Variants in FABP6 observed in about 807,000 individuals in gnomAD.
FABP6 encodes fatty acid binding protein 6.
FABP6 carries 13 observed loss-of-function variants against 14.9 expected under a neutral mutation model. The ratio of observed to expected loss-of-function variants is 0.87; its 90% confidence interval spans 0.57 to 1.39. FABP6 has a LOEUF of 1.39. Among genes scored for constraint, FABP6 ranks in the 40% most tolerant of loss-of-function variants. The pLI is 0.00. For synonymous variants in FABP6, 75 were observed against 63.6 expected (o/e 1.18, Z -0.85); for missense variants, 161 against 167.2 (o/e 0.96, Z 0.20).
At chr5:160,192,616 T>C (rs1323054248) in intron 1 of FABP6, among the ~76,000 whole-genome samples, 2 of 152,238 alleles carry the variant, frequency 1.3e-5, no homozygotes, top group Non-Finnish European at 2.9e-5. Context: ...GGCCCTACTA[T>C]GCGCCTGGCA....
chr5:160,214,006 T>A (rs748131183), intron 3 of FABP6, among the ~76,000 whole-genome samples: 3 of 152,226 alleles, frequency 2.0e-5, no homozygotes, highest in Non-Finnish European at 4.4e-5. Flanking sequence ...TATCAGCAGT[T>A]ATACATGCTG....
At chr5:160,222,300 G>A (rs572809021) in intron 3 of FABP6, among the ~76,000 whole-genome samples, 47 of 151,642 alleles carry the variant, frequency 3.1e-4, no homozygotes, top group African/African-American at 9.9e-4. Context: ...ATATTGCCCC[G>A]GCTGGTCTCT....
chr5:160,226,095 A>T (rs182516537), upstream of FABP6, among the ~76,000 whole-genome samples: 75 of 151,972 alleles, frequency 4.9e-4, 2 homozygotes, highest in East Asian at 0.014. Context: ...AATGGCTTGA[A>T]CCTGGGAGGC....
intron 1 of FABP6, chr5:160,199,037 G>A (rs1349726408): frequency 1.7e-5 from 26 of 1,548,374 alleles, no homozygotes; most frequent in Non-Finnish European, 2.0e-5. Flanking sequence ...CTGGCTTTTT[G>A]TGTCATTGCA....
chr5:160,226,782 A>G (rs192476621), upstream of FABP6, among the ~76,000 whole-genome samples: 126 of 152,334 alleles, frequency 8.3e-4, 3 homozygotes, highest in Admixed American at 7.8e-3. Flanking sequence ...TGTTATTATT[A>G]TCAGTCATTG....
rs540794775 is a variant in FABP6 at position 160,220,856 on chromosome 5, G to A, written c.135+7037G>A. ...TAATCCCAGCAGTTTGGGAGGCTGA[G>A]GTGGGTGGATCATTTGAGATCAGGA... On this transcript the variant is annotated intron_variant, in intron 3 of 6. Coordinates refer to the FABP6 transcript ENST00000393980. 4.3e-3 allele frequency among the ~76,000 whole-genome samples: 658 copies of A among 152,108 alleles called. 3 individuals are homozygous for A. The highest frequency in any genetic ancestry group is 8.1e-3 in the South Asian group (39 of 4,824).
chr5:160,202,641 A>G (rs1477341352), intron 2 of FABP6, among the ~76,000 whole-genome samples: 1 of 151,618 alleles, frequency 6.6e-6, no homozygotes, highest in African/African-American at 2.4e-5. Flanking sequence ...CTAAAAATAC[A>G]AAAAAAAGAA....
chr5:160,232,811 C>T (rs576806556), intron 2 of FABP6, among the ~76,000 whole-genome samples: 1 of 151,672 alleles, frequency 6.6e-6, no homozygotes, highest in South Asian at 2.1e-4. Flanking sequence ...GCAGGGGAAT[C>T]GCTTGAATCC....
chr5:160,191,843 GGC>G lies in FABP6; in HGVS notation c.-59+4392_-59+4393del, dbSNP rs1759401184. Among the ~76,000 whole-genome samples, 4 of 151,740 alleles carry G rather than the reference GGC, an allele frequency of 2.6e-5. No homozygotes were observed. The East Asian group carries it at 5.8e-4, about 22-fold the overall frequency. On this transcript the variant is annotated intron_variant, in intron 1 of 6. Coordinates refer to the FABP6 transcript ENST00000393980. ...AAAAAATTAGCCAGGCATGGTGGCA[GGC>G]GCCTTGTAGTCCCAGCTACTGGGGA...
At position 160,223,332 on chromosome 5, in the gene FABP6, C is replaced by CCCTTCCTT. The variant is rs367909259; in HGVS notation, c.136-6192_136-6185dup. On this transcript the variant is annotated intron_variant, in intron 3 of 6. Transcript: ENST00000393980. Reference sequence around the variant, plus strand: ...TCATATAAGAGTGAATTTTTGCCCGCCCTTCCTTCCTTCCTTCCTTCCTTC... The same window carrying CCCTTCCTT: ...TCATATAAGAGTGAATTTTTGCCCGCCCTTCCTTCCTTCCTTCCTTCCTTCCTTCCTTC... Among the ~76,000 whole-genome samples the CCCTTCCTT allele has an allele frequency of 3.4e-4, 32 of 93,406 alleles. 1 individual carries two copies. The highest frequency in any genetic ancestry group is 1.2e-3 in the African/African-American group (23 of 19,752). The allele number at this position is 93,406 out of a possible 152,430, so 61.3% of individuals were successfully genotyped here.
At chr5:160,217,338 T>C (rs1240524989) in intron 3 of FABP6, among the ~76,000 whole-genome samples, 1 of 152,104 alleles carries the variant, frequency 6.6e-6, no homozygotes, top group Non-Finnish European at 1.5e-5. Flanking sequence ...CAGCAAAAGA[T>C]GATATTTAAA....
chr5:160,207,717 T>C (rs1759797986), intron 2 of FABP6, among the ~76,000 whole-genome samples: 4 of 137,222 alleles, frequency 2.9e-5, no homozygotes, highest in African/African-American at 8.2e-5. Flanking sequence ...AGGTCATCTT[T>C]ACCTCCTTTT....
upstream of FABP6, among the ~76,000 whole-genome samples, chr5:160,226,127 T>G (rs1312449557): frequency 6.6e-6 from 1 of 151,530 alleles, no homozygotes; most frequent in Non-Finnish European, 1.5e-5. Context: ...TGAGTCGAGA[T>G]GTGACACTGC....
chr5:160,227,852 C>CTGTGTG (rs1554114211), upstream of FABP6, among the ~76,000 whole-genome samples: 6 of 138,878 alleles, frequency 4.3e-5, no homozygotes, highest in South Asian at 1.4e-3. Flanking sequence ...GTGTGTGTGT[C>CTGTGTG]TGTCTGTCTG....
intron 1 of FABP6, among the ~76,000 whole-genome samples, chr5:160,194,879 G>A (rs976417611): frequency 6.6e-6 from 1 of 152,184 alleles, no homozygotes; most frequent in Non-Finnish European, 1.5e-5. Context: ...GGAAAGCAGG[G>A]ACCTTGACTA....
chr5:160,230,903 T>C (rs1366435979), intron 1 of FABP6, among the ~76,000 whole-genome samples: 2 of 152,222 alleles, frequency 1.3e-5, no homozygotes, highest in East Asian at 1.9e-4. Flanking sequence ...TGCCAAACAC[T>C]GTGGGCAGAG....
At chr5:160,193,936 T>A (rs1468201510) in intron 1 of FABP6, among the ~76,000 whole-genome samples, 2 of 152,180 alleles carry the variant, frequency 1.3e-5, no homozygotes, top group African/African-American at 2.4e-5. Context: ...CTGGGCGCCG[T>A]GGGGCAGGGG....
In FABP6 at chr5:160,231,501, C is replaced by G. The variant is rs1760381888; in HGVS notation, c.68-597C>G. On this transcript the variant is annotated intron_variant, in intron 1 of 3. Coordinates refer to ENST00000402432, the MANE Select transcript of FABP6 (RefSeq NM_001445.3). ...CTCTGCCTCCAGGGTTTAAGTGATT[C>G]TTTTGCCTCAGCCTCTCAAGTAGCC... Among the ~76,000 whole-genome samples, 3 of 152,212 alleles carry G rather than the reference C, an allele frequency of 2.0e-5. No homozygotes were observed. In the South Asian group the frequency reaches 6.2e-4, roughly 31 times the overall value.
chr5:160,235,609 A>G (rs1308534558), intron 3 of FABP6, among the ~76,000 whole-genome samples: 1 of 152,102 alleles, frequency 6.6e-6, no homozygotes, highest in African/African-American at 2.4e-5. Context: ...GCATTTCCAT[A>G]CTTCATTCCC....
Sources: allele counts gnomAD v4.1 joint callset (sites outside exome capture counted in the v4.1 genomes callset), GRCh38; gene constraint gnomAD v4.1.1; transcripts MANE v1.5; gene names NCBI Gene and HGNC (gene_info 2026-07-23, HGNC 2026-07-21).